Variants in ZNF407 observed in about 807,000 individuals in gnomAD.
ZNF407 encodes zinc finger protein 407.
A neutral mutation model predicts 131.2 loss-of-function variants in ZNF407; 17 were observed. That is an observed-to-expected ratio of 0.13 (90% CI 0.09 to 0.19). The LOEUF is 0.19. ZNF407 is among the 10% of genes least tolerant of loss of function. The pLI, the probability that ZNF407 is intolerant of heterozygous loss-of-function variation, is 1.00. For missense variants in ZNF407, 2,681 were observed against 2,830.6 expected (o/e 0.95, Z 1.20); for synonymous variants, 1,156 against 1,062.0 (o/e 1.09, Z -1.72).
chr18:75,027,066 A>G (rs902186252), intron 8 of ZNF407, among the ~76,000 whole-genome samples: 4 of 152,236 alleles, frequency 2.6e-5, no homozygotes, highest in African/African-American at 7.2e-5. Flanking sequence ...AGTCACAGAC[A>G]CTCGTGCAGG....
chr18:74,669,767 G>A (rs1986069447), intron 3 of ZNF407, among the ~76,000 whole-genome samples: 1 of 152,198 alleles, frequency 6.6e-6, no homozygotes, highest in South Asian at 2.1e-4. Context: ...TCTCAGGTTA[G>A]CCTGGTTAGA....
At chr18:74,763,731 A>C (rs1432873358) in intron 3 of ZNF407, among the ~76,000 whole-genome samples, 1 of 110,940 alleles carries the variant, frequency 9.0e-6, no homozygotes, top group Non-Finnish European at 1.7e-5. Context: ...TTTTTTTGAG[A>C]CGGAGTCTCG....
intron 3 of ZNF407, among the ~76,000 whole-genome samples, chr18:74,688,546 C>CTT (rs1967148209): frequency 6.6e-6 from 1 of 152,154 alleles, no homozygotes; most frequent in Non-Finnish European, 1.5e-5. Context: ...TGAAATCTAA[C>CTT]TTACCAGTTT....
intron 3 of ZNF407, among the ~76,000 whole-genome samples, chr18:74,685,437 C>T (rs1967075414): frequency 6.6e-6 from 1 of 152,202 alleles, no homozygotes; most frequent in Non-Finnish European, 1.5e-5. Context: ...TGCTCAATGG[C>T]TGACCCTCTG....
rs575963189 is a variant in ZNF407, at chr18:74,996,385, A to C, written c.5429-66765A>C. ...ATCACTTATTATGGCAGTAAAAATG[A>C]TTGGTTACTTACAGTCTTAGGACAT... On this transcript the variant is annotated intron_variant, in intron 8 of 8. Transcript: ENST00000299687. Among the ~76,000 whole-genome samples the C allele has an allele frequency of 3.9e-5, 6 of 152,332 alleles. No homozygotes were observed. In the South Asian group the frequency reaches 1.2e-3, roughly 32 times the overall value.
chr18:74,891,650 G>A (rs1245369345), intron 7 of ZNF407, among the ~76,000 whole-genome samples: 3 of 152,134 alleles, frequency 2.0e-5, no homozygotes, highest in Non-Finnish European at 4.4e-5. Context: ...GATCTAATTA[G>A]AGGTAGACAT....
intron 3 of ZNF407, among the ~76,000 whole-genome samples, chr18:74,745,265 A>G (rs1968642037): frequency 6.6e-6 from 1 of 152,188 alleles, no homozygotes; most frequent in Admixed American, 6.5e-5. Context: ...TTGGTATTTA[A>G]AAGTTATTTA....
chr18:74,761,763 T>C (rs1050064904), intron 3 of ZNF407, among the ~76,000 whole-genome samples: 1 of 152,186 alleles, frequency 6.6e-6, no homozygotes, highest in African/African-American at 2.4e-5. Context: ...ATGAATCATA[T>C]TCAGTTCTTA....
chr18:74,646,311 TG>T (rs1173568837), intron 3 of ZNF407, among the ~76,000 whole-genome samples: 5 of 152,160 alleles, frequency 3.3e-5, no homozygotes, highest in Admixed American at 2.6e-4. Flanking sequence ...TTGGTTTAGC[TG>T]GTTGTTTTGG....
chr18:74,687,603 AT>A, intron 3 of ZNF407, among the ~76,000 whole-genome samples: 1 of 152,320 alleles, frequency 6.6e-6, no homozygotes, highest in Middle Eastern at 3.4e-3. Flanking sequence ...AAATTGTAGC[AT>A]TATATAAGGA....
At chr18:74,926,520 A>G (rs1971915637) in intron 8 of ZNF407, among the ~76,000 whole-genome samples, 1 of 152,222 alleles carries the variant, frequency 6.6e-6, no homozygotes, top group Non-Finnish European at 1.5e-5. Context: ...AAATAGTTTT[A>G]CAACCAGGCG....
intron 1 of ZNF407, among the ~76,000 whole-genome samples, chr18:74,610,773 C>T (rs564320446): frequency 3.9e-5 from 6 of 152,030 alleles, no homozygotes; most frequent in Admixed American, 6.5e-5. Flanking sequence ...AGGCTGGTCT[C>T]GAACCCCTCA....
At chr18:74,599,672 T>G (rs1415063531) in intron 1 of ZNF407, among the ~76,000 whole-genome samples, 3 of 152,188 alleles carry the variant, frequency 2.0e-5, no homozygotes, top group Non-Finnish European at 4.4e-5. Flanking sequence ...TTCACCTGGT[T>G]GAAGGGACAT....
chr18:75,002,231 G>A (rs1972853788), intron 8 of ZNF407, among the ~76,000 whole-genome samples: 1 of 152,220 alleles, frequency 6.6e-6, no homozygotes, highest in Non-Finnish European at 1.5e-5. Flanking sequence ...AGCTCCTCGT[G>A]ATTGAATTAA....
chr18:74,702,741 A>T (rs956985473), intron 3 of ZNF407, among the ~76,000 whole-genome samples: 2 of 152,202 alleles, frequency 1.3e-5, no homozygotes, highest in African/African-American at 4.8e-5. Flanking sequence ...ATTGATATGC[A>T]TACGTATATT....
intron 1 of ZNF407, among the ~76,000 whole-genome samples, chr18:74,616,943 C>T (rs1983323086): frequency 8.4e-5 from 11 of 131,042 alleles, no homozygotes; most frequent in Admixed American, 1.6e-4. Flanking sequence ...TCCATATCCA[C>T]ACACCACACG....
chr18:74,756,052 C>A (rs1464242005), intron 3 of ZNF407, among the ~76,000 whole-genome samples: 2 of 151,290 alleles, frequency 1.3e-5, no homozygotes, highest in Non-Finnish European at 2.9e-5. Flanking sequence ...CACCACCACA[C>A]CCGGCTGATT....
chr18:74,610,398 T>G (rs771660795), intron 1 of ZNF407, among the ~76,000 whole-genome samples: 3 of 152,144 alleles, frequency 2.0e-5, no homozygotes, highest in Non-Finnish European at 4.4e-5. Context: ...TCCCTCTCGG[T>G]CTCTCTTGTG....
chr18:74,860,395 C>T (rs1970920937), intron 4 of ZNF407, among the ~76,000 whole-genome samples: 2 of 151,912 alleles, frequency 1.3e-5, no homozygotes, highest in African/African-American at 4.8e-5. Context: ...AATCACATGC[C>T]TATATTTGTT....
Sources: gnomAD v4.1 joint callset for allele counts (sites outside exome capture counted in the v4.1 genomes callset) on GRCh38, gnomAD v4.1.1 for gene constraint, MANE v1.5 for transcripts, NCBI Gene and HGNC (gene_info 2026-07-23, HGNC 2026-07-21) for gene names.